UMAD1: variants seen among roughly 807,000 people sequenced by gnomAD.
UMAD1 encodes UBAP1-MVB12-associated (UMA)-domain containing protein 1.
UMAD1 carries 8 observed loss-of-function variants against 6.1 expected under a neutral mutation model. That is an observed-to-expected ratio of 1.30 (90% CI 0.76 to 2.35). The LOEUF (loss-of-function observed/expected upper bound fraction) is 2.35, where lower values mean the gene tolerates loss of function less well. Ranked by LOEUF, UMAD1 falls within the 30% of genes most tolerant of loss-of-function variation. The pLI is 0.00. For synonymous variants in UMAD1, 56 were observed against 31.4 expected (o/e 1.78, Z -2.61); for missense variants, 130 against 78.4 (o/e 1.66, Z -2.49).
chr7:7,807,301 T>G (rs1293809623), intron 3 of UMAD1, among the ~76,000 whole-genome samples: 1 of 152,158 alleles, frequency 6.6e-6, no homozygotes, highest in African/African-American at 2.4e-5. Flanking sequence ...ATGATTAATT[T>G]TTTATGATTA....
chr7:7,742,151 C>T, intron 2 of UMAD1: 1 of 650,538 alleles, frequency 1.5e-6, no homozygotes. Flanking sequence ...GAATATATGC[C>T]TTCTCTCCAT....
intron 3 of UMAD1, 48 bp downstream of exon 3, chr7:7,801,791 T>C (rs1180562337): frequency 1.4e-6 from 1 of 713,260 alleles, no homozygotes; most frequent in Admixed American, 2.0e-5. Flanking sequence ...AACAAGTCAC[T>C]ATGATTACTT....
intron 2 of UMAD1, among the ~76,000 whole-genome samples, chr7:7,723,033 A>G (rs1781078661): frequency 3.9e-5 from 1 of 25,596 alleles, no homozygotes; most frequent in Non-Finnish European, 7.2e-5. Flanking sequence ...GGCAACAGTG[A>G]TGGCCTCCCC....
intron 2 of UMAD1, chr7:7,715,149 G>A (rs1488841385): frequency 6.6e-6 from 1 of 152,102 alleles, no homozygotes; most frequent in Non-Finnish European, 1.5e-5. Context: ...CTTCAGCATA[G>A]AAACAGTTAA....
chr7:7,787,911 C>A (rs1182525471), intron 2 of UMAD1, among the ~76,000 whole-genome samples: 4 of 152,292 alleles, frequency 2.6e-5, no homozygotes, highest in East Asian at 3.9e-4. Context: ...TTTCCTATTA[C>A]CAAAGTGTAT....
At chr7:7,855,463 C>T (rs144995134) in intron 3 of UMAD1, among the ~76,000 whole-genome samples, 1 of 152,378 alleles carries the variant, frequency 6.6e-6, no homozygotes, top group Non-Finnish European at 1.5e-5. Context: ...CTGGAAGCTG[C>T]CAAGGCTTGG....
intron 2 of UMAD1, among the ~76,000 whole-genome samples, chr7:7,734,097 G>A (rs1339193675): frequency 6.6e-6 from 1 of 151,906 alleles, no homozygotes; most frequent in Non-Finnish European, 1.5e-5. Flanking sequence ...TGATGTTTTT[G>A]ATCAATGTCA....
chr7:7,876,420 G>C (rs772654541), intron 3 of UMAD1, among the ~76,000 whole-genome samples: 4 of 152,128 alleles, frequency 2.6e-5, no homozygotes, highest in African/African-American at 4.8e-5. Context: ...GAGGGTCAAG[G>C]GGGGAGTCAT....
At chr7:7,738,708 T>C (rs1781406935) in intron 2 of UMAD1, 1 of 152,266 alleles carries the variant, frequency 6.6e-6, no homozygotes, top group Admixed American at 6.5e-5. Context: ...CTATTTTCTG[T>C]AGGACAGAGT....
At chr7:7,703,826 C>T (rs951773660) in intron 2 of UMAD1, among the ~76,000 whole-genome samples, 3 of 152,032 alleles carry the variant, frequency 2.0e-5, no homozygotes, top group Admixed American at 6.6e-5. Flanking sequence ...CCTGTAGTCC[C>T]AGCTATTTGG....
intron 2 of UMAD1, among the ~76,000 whole-genome samples, chr7:7,737,054 C>A (rs1563166297): frequency 6.6e-6 from 1 of 152,226 alleles, no homozygotes; most frequent in South Asian, 2.1e-4. Context: ...TGGGCCATGC[C>A]CCTGTCCAGT....
At chr7:7,799,167 C>G (rs556971531) in intron 2 of UMAD1, among the ~76,000 whole-genome samples, 1 of 151,996 alleles carries the variant, frequency 6.6e-6, no homozygotes, top group Non-Finnish European at 1.5e-5. Context: ...AATAATTCTT[C>G]AAGGGGTGGA....
chr7:7,659,269 T>G (rs984869243), intron 1 of UMAD1, among the ~76,000 whole-genome samples: 1 of 152,194 alleles, frequency 6.6e-6, no homozygotes, highest in Non-Finnish European at 1.5e-5. Context: ...CTGGATTCAT[T>G]GATTTTTCGA....
At position 7,877,489 on chromosome 7, in the gene UMAD1, G is replaced by A. The variant is rs749545945; in HGVS notation, c.365G>A (p.Arg122Gln). The A allele has an allele frequency of 2.6e-5, 19 of 717,326 alleles. No homozygotes were observed. The highest frequency in any genetic ancestry group is 1.7e-4 in the African/African-American group (10 of 57,220). 44.4% of individuals were successfully genotyped at this position (717,326 alleles called of 1,614,324 possible). ...TATGATGGCAGCGAAAACTTATCACGGTTTTGGTATGATTTCACTCTTGAA... is the reference window on the plus strand; with the variant it reads ...TATGATGGCAGCGAAAACTTATCACAGTTTTGGTATGATTTCACTCTTGAA... ...LSYDGSENLS[R>Q]FWYDFTLENS... Residue 122 changes from arginine to glutamine, a missense_variant, in exon 4 of 4, where the codon CGG becomes CAG. Coordinates refer to ENST00000682710, the MANE Select transcript of UMAD1 (RefSeq NM_001302348.2).
chr7:7,868,545 G>A (rs1169409852), intron 3 of UMAD1: 4 of 149,496 alleles, frequency 2.7e-5, no homozygotes, highest in African/African-American at 1.0e-4. Flanking sequence ...TAGAAATATT[G>A]AAGGAAAGAG....
At chr7:7,770,458 G>C (rs2115242285) in intron 2 of UMAD1, among the ~76,000 whole-genome samples, 1 of 152,262 alleles carries the variant, frequency 6.6e-6, no homozygotes, top group Admixed American at 6.5e-5. Context: ...TCAAGATACT[G>C]CTTGCTTCCC....
At chr7:7,741,934 C>G (rs1349851356) in intron 2 of UMAD1, 1 of 184,298 alleles carries the variant, frequency 5.4e-6, no homozygotes, top group African/African-American at 2.4e-5. Context: ...GTAATAAAAT[C>G]AATCGTTTTA....
At chr7:7,769,679 A>G (rs182499191) in intron 2 of UMAD1, among the ~76,000 whole-genome samples, 4 of 152,260 alleles carry the variant, frequency 2.6e-5, no homozygotes, top group African/African-American at 9.6e-5. Flanking sequence ...GGGGAAGTGC[A>G]TTTATGTAGA....
chr7:7,734,277 T>A (rs77844085), intron 2 of UMAD1, among the ~76,000 whole-genome samples: 2 of 152,166 alleles, frequency 1.3e-5, no homozygotes, highest in Non-Finnish European at 2.9e-5. Context: ...TAGACTGTTA[T>A]ATTTACCCTA....
Sources: allele counts gnomAD v4.1 joint callset (sites outside exome capture counted in the v4.1 genomes callset), GRCh38; gene constraint gnomAD v4.1.1; transcripts MANE v1.5; gene names NCBI Gene and HGNC (gene_info 2026-07-23, HGNC 2026-07-21).